Variants in TPD52 observed in about 807,000 individuals in gnomAD.
TPD52 encodes prostate and colon associated protein.
Under a neutral mutation model 31.3 loss-of-function variants are expected in TPD52, and 17 were observed. That is an observed-to-expected ratio of 0.54 (90% confidence interval 0.37 to 0.82). The LOEUF (loss-of-function observed/expected upper bound fraction) is 0.82, where lower values mean the gene tolerates loss of function less well. Ranked by LOEUF, TPD52 falls within the 40% of genes least tolerant of loss-of-function variation. The pLI, the probability that TPD52 is intolerant of heterozygous loss-of-function variation, is 0.00. For synonymous variants in TPD52, 83 were observed against 89.6 expected (o/e 0.93, Z 0.42); for missense variants, 212 against 240.1 (o/e 0.88, Z 0.77).
rs376836868 is a variant in TPD52, at chr8:80,075,105, G to A, written c.20-10512C>T. Among the ~76,000 whole-genome samples the A allele has an allele frequency of 6.0e-3, 914 of 151,870 alleles. 6 individuals carry two copies. Among genetic ancestry groups the A allele is most frequent in the African/African-American group, 0.021 (873 of 41,390 alleles). ...AGCAATTCTCCTGCCTCAGCCTCCCGAGTAGCTGGGACTACAGGCGCCCAC... is the reference window on the plus strand; with the variant it reads ...AGCAATTCTCCTGCCTCAGCCTCCCAAGTAGCTGGGACTACAGGCGCCCAC... On this transcript the variant is annotated intron_variant, in intron 1 of 7. Transcript: ENST00000518937.
intron 1 of TPD52, among the ~76,000 whole-genome samples, chr8:80,103,471 C>T (rs1806889984): frequency 6.6e-6 from 1 of 152,244 alleles, no homozygotes; most frequent in African/African-American, 2.4e-5. Context: ...CATTCACAAA[C>T]TGCTGAATGC....
intron 1 of TPD52, among the ~76,000 whole-genome samples, chr8:80,138,175 TCA>T (rs1346232876): frequency 6.6e-6 from 1 of 152,116 alleles, no homozygotes; most frequent in Non-Finnish European, 1.5e-5. Flanking sequence ...ACTCCCGACC[TCA>T]GGTGATCCGC....
intron 1 of TPD52, among the ~76,000 whole-genome samples, chr8:80,131,103 T>C (rs1008333485): frequency 2.0e-5 from 3 of 152,082 alleles, no homozygotes; most frequent in African/African-American, 4.8e-5. Context: ...ATTTAAAGCT[T>C]TGGTCCTGAG....
intron 1 of TPD52, among the ~76,000 whole-genome samples, chr8:80,155,343 C>T (rs905333713): frequency 6.6e-6 from 1 of 152,176 alleles, no homozygotes; most frequent in East Asian, 1.9e-4. Flanking sequence ...ATAAAGAGAA[C>T]AGCAAGGAAA....
At chr8:80,125,835 G>A (rs1027780565) in intron 1 of TPD52, among the ~76,000 whole-genome samples, 5 of 152,080 alleles carry the variant, frequency 3.3e-5, no homozygotes, top group East Asian at 1.9e-4. Context: ...CTAAGGTAAC[G>A]CAACAAAGTT....
intron 1 of TPD52, among the ~76,000 whole-genome samples, chr8:80,135,900 C>T (rs1387367042): frequency 5.1e-5 from 7 of 136,958 alleles, no homozygotes; most frequent in African/African-American, 1.6e-4. Context: ...CCAAACACCG[C>T]ATATTCTCAC....
chr8:80,108,206 G>A (rs767513370), intron 1 of TPD52, among the ~76,000 whole-genome samples: 11 of 152,168 alleles, frequency 7.2e-5, no homozygotes, highest in Non-Finnish European at 1.5e-4. Flanking sequence ...AAATTTTGGA[G>A]TGGCATTTCC....
intron 1 of TPD52, among the ~76,000 whole-genome samples, chr8:80,167,261 CA>C (rs1221584154): frequency 2.0e-5 from 3 of 152,172 alleles, no homozygotes; most frequent in African/African-American, 7.2e-5. Context: ...ATAATTAAGG[CA>C]GAAATAATTA....
At chr8:80,070,664 C>T (rs984393041) in intron 1 of TPD52, among the ~76,000 whole-genome samples, 1 of 152,168 alleles carries the variant, frequency 6.6e-6, no homozygotes, top group African/African-American at 2.4e-5. Flanking sequence ...CAGATGGGTA[C>T]CAGTCCACCA....
rs906683996 is a variant in TPD52 at position 80,034,882 on chromosome 8, T to C, written c.*3234A>G. On this transcript the variant is annotated 3_prime_UTR_variant, in exon 8 of 8. Coordinates refer to ENST00000518937, the MANE Select transcript of TPD52 (RefSeq NM_001025253.3). ...GCTGGCAAGAATTTTAGTTGCCAAA[T>C]AGCATTTATTTGAGTACAAAATCCT... 6.6e-6 allele frequency: 1 copy of C among 152,214 alleles called. No homozygotes were observed. Among genetic ancestry groups the C allele is most frequent in the Non-Finnish European group, 1.5e-5 (1 of 68,038 alleles). 9.4% of individuals were successfully genotyped at this position (152,214 alleles called of 1,614,324 possible).
chr8:80,079,641 C>A (rs1009237202), intron 1 of TPD52, among the ~76,000 whole-genome samples: 5 of 152,248 alleles, frequency 3.3e-5, no homozygotes, highest in African/African-American at 9.6e-5. Context: ...CAGTTCCCAG[C>A]ATTGGCTATG....
rs1003046262 is a variant in TPD52 at position 80,080,647 on chromosome 8, G to A, written c.20-16054C>T. The A allele has an allele frequency of 6.1e-6, 8 of 1,314,982 alleles. No individual in the cohort carries two copies. In the Admixed American group the frequency reaches 1.9e-4, roughly 32 times the overall value. 81.5% of individuals were successfully genotyped at this position (1,314,982 alleles called of 1,614,324 possible). ...GCCTTCACGCCCCTCCTGATAAGCA[G>A]ACCTATTTAATAAATGATTTATCCT... On this transcript the variant is annotated intron_variant, in intron 1 of 7. Coordinates refer to ENST00000518937, the MANE Select transcript of TPD52 (RefSeq NM_001025253.3).
chr8:80,160,921 G>A (rs979950539), intron 1 of TPD52, among the ~76,000 whole-genome samples: 1 of 144,156 alleles, frequency 6.9e-6, no homozygotes, highest in Non-Finnish European at 1.5e-5. Context: ...AAATAGCCCG[G>A]CATGGTGGCA....
intron 1 of TPD52, among the ~76,000 whole-genome samples, chr8:80,107,245 A>C (rs1807198915): frequency 6.6e-6 from 1 of 152,230 alleles, no homozygotes. Context: ...TACTAATTTC[A>C]AAGCCCACTT....
Position 80,139,656 on chromosome 8 carries a change from G to A in TPD52, c.19+31769C>T, listed in dbSNP as rs575185119. Among the ~76,000 whole-genome samples, 4 of 152,242 alleles carry A rather than the reference G, an allele frequency of 2.6e-5. No individual in the cohort carries two copies. The South Asian group carries it at 8.3e-4, about 32-fold the overall frequency. ...GGGGGGTGGGGGTGAGGGCGGGGAA[G>A]GGGTTGCATTTGGATAGCGCCTCCC... is the stretch of plus-strand genomic sequence containing the variant. On this transcript the variant is annotated intron_variant, in intron 1 of 7. Transcript: ENST00000518937.
intron 1 of TPD52, among the ~76,000 whole-genome samples, chr8:80,086,457 C>T (rs1815779949): frequency 6.6e-6 from 1 of 151,902 alleles, no homozygotes. Flanking sequence ...CTGCATTCTT[C>T]AAAAACATCG....
At chr8:80,032,547 C>A (rs1193670087), downstream of TPD52, among the ~76,000 whole-genome samples, 1 of 152,158 alleles carries the variant, frequency 6.6e-6, no homozygotes, top group African/African-American at 2.4e-5. Context: ...TCAAAAAAGC[C>A]AAGGAAAGTG....
chr8:80,161,732 A>ATTTTTTT (rs869141433), intron 1 of TPD52, among the ~76,000 whole-genome samples: 2 of 72,522 alleles, frequency 2.8e-5, no homozygotes, highest in African/African-American at 8.0e-5. Flanking sequence ...ATATATATAT[A>ATTTTTTT]TTTTTTTTTT....
chr8:80,088,958 G>C (rs1014309681), intron 1 of TPD52, among the ~76,000 whole-genome samples: 1 of 152,226 alleles, frequency 6.6e-6, no homozygotes, highest in Non-Finnish European at 1.5e-5. Context: ...GCCTCCCAAA[G>C]TGCTGGGATT....
Sources: gnomAD v4.1 joint callset for allele counts (sites outside exome capture counted in the v4.1 genomes callset) on GRCh38, gnomAD v4.1.1 for gene constraint, MANE v1.5 for transcripts, NCBI Gene and HGNC (gene_info 2026-07-23, HGNC 2026-07-21) for gene names.